Variants in CTBP2 observed in about 807,000 individuals in gnomAD.
CTBP2 encodes the protein C-terminal-binding protein 2.
CTBP2 carries 30 observed loss-of-function variants against 80.3 expected under a neutral mutation model. The observed-to-expected ratio is 0.37, with a 90% CI of 0.28 to 0.51. The LOEUF is 0.51. Ranked by LOEUF, CTBP2 falls within the 20% of genes least tolerant of loss-of-function variation. The pLI, the probability that CTBP2 is intolerant of heterozygous loss-of-function variation, is 0.93. For missense variants in CTBP2, 1,212 were observed against 1,375.3 expected (o/e 0.88, Z 1.88); for synonymous variants, 594 against 587.4 (o/e 1.01, Z -0.16).
At chr10:125,154,176 G>A (rs540149839) in intron 1 of CTBP2, among the ~76,000 whole-genome samples, 1 of 152,318 alleles carries the variant, frequency 6.6e-6, no homozygotes, top group South Asian at 2.1e-4. Context: ...CAATACAATG[G>A]AAGGTAAGTA....
rs369463947 is a variant in CTBP2, at chr10:124,994,129, G to T, written c.2401-144C>A. The T allele has an allele frequency of 2.6e-6, 3 of 1,169,166 alleles. No homozygotes were observed. In the South Asian group the frequency reaches 4.5e-5, roughly 17 times the overall value. The allele number at this position is 1,169,166 out of a possible 1,614,324, so 72.4% of individuals were successfully genotyped here. A position where few individuals can be genotyped will look rare whatever the true frequency, so the allele number is the denominator to read the frequency against. ...GCTGCAGTTTGAGGGAAGGGAGTGG[G>T]AAGTGTTGGTGACGGCTGGAAGCCA... On this transcript the variant is annotated intron_variant, in intron 5 of 8. Coordinates refer to ENST00000309035, the MANE Select transcript of CTBP2 (RefSeq NM_022802.3).
chr10:124,998,272 C>T (rs754553579), intron 3 of CTBP2, 102 bp from the exon 6 acceptor site: 27 of 1,322,462 alleles, frequency 2.0e-5, no homozygotes, highest in Admixed American at 6.3e-5. Context: ...TTGTTGGCAC[C>T]GGGGGAGGCC....
chr10:125,098,762 G>GAGAC (rs1850123557), intron 2 of CTBP2, among the ~76,000 whole-genome samples: 2 of 128,184 alleles, frequency 1.6e-5, no homozygotes, highest in Admixed American at 7.9e-5. Flanking sequence ...GAGAGAGAGA[G>GAGAC]AGAGAGAGAG....
chr10:124,992,026 C>G (rs1374710708), intron 8 of CTBP2, among the ~76,000 whole-genome samples: 1 of 152,008 alleles, frequency 6.6e-6, no homozygotes, highest in African/African-American at 2.4e-5. Flanking sequence ...TCAGCTGACC[C>G]AAACTACAGG....
At chr10:125,047,127 A>G (rs1051955275) in intron 2 of CTBP2, among the ~76,000 whole-genome samples, 16 of 152,176 alleles carry the variant, frequency 1.1e-4, no homozygotes, top group African/African-American at 3.6e-4. Flanking sequence ...TAAACTGTAT[A>G]TTAGTTTTAA....
intron 1 of CTBP2, chr10:125,026,064 G>T: frequency 6.5e-7 from 1 of 1,546,062 alleles, no homozygotes; most frequent in Non-Finnish European, 8.8e-7. Flanking sequence ...GGCAGGGCAG[G>T]CGGGGAGGAT....
intron 4 of CTBP2, 89 bp from the exon 7 acceptor site, chr10:124,994,772 T>C: frequency 2.3e-6 from 3 of 1,322,874 alleles, no homozygotes; most frequent in South Asian, 1.2e-5. Flanking sequence ...GAGTCCGGGC[T>C]TGGCATCCCC....
chr10:125,117,680 G>A (rs1276827375), intron 1 of CTBP2, among the ~76,000 whole-genome samples: 1 of 152,242 alleles, frequency 6.6e-6, no homozygotes. Flanking sequence ...CCGAGAGGTT[G>A]TCACTTTAGC....
chr10:125,029,522 G>A (rs544530995), upstream of CTBP2, among the ~76,000 whole-genome samples: 45 of 152,208 alleles, frequency 3.0e-4, no homozygotes, highest in Admixed American at 1.6e-3. Context: ...AGCCTCCCAA[G>A]GTGCTGGGAT....
intron 2 of CTBP2, among the ~76,000 whole-genome samples, chr10:125,098,684 G>C (rs78358710): frequency 0.04 from 4,904 of 123,430 alleles, 143 homozygotes; most frequent in African/African-American, 0.051. Flanking sequence ...GAGAGAGAGA[G>C]AGAGAGAGAG....
chr10:125,137,045 G>A (rs1365983768), intron 1 of CTBP2, among the ~76,000 whole-genome samples: 2 of 152,188 alleles, frequency 1.3e-5, no homozygotes, highest in African/African-American at 4.8e-5. Flanking sequence ...GTTTGTTTAC[G>A]ACAAGGTCTC....
chr10:125,065,836 T>C (rs1844534094), intron 2 of CTBP2, among the ~76,000 whole-genome samples: 1 of 152,170 alleles, frequency 6.6e-6, no homozygotes. Flanking sequence ...GTGGTGACTC[T>C]CACCTATAAT....
intron 3 of CTBP2, 127 bp from the exon 6 acceptor site, chr10:124,998,297 G>A (rs1589955954): frequency 1.9e-6 from 2 of 1,075,696 alleles, no homozygotes; most frequent in Middle Eastern, 2.3e-4. Context: ...TTATCGTCTA[G>A]CAGACGCGGG....
At chr10:125,071,781 C>T (rs191033706) in intron 2 of CTBP2, among the ~76,000 whole-genome samples, 48 of 152,168 alleles carry the variant, frequency 3.2e-4, no homozygotes, top group Admixed American at 1.2e-3. Flanking sequence ...TCCCAGATAC[C>T]GTGAAATGCG....
chr10:124,985,135 CA>C lies in CTBP2; in HGVS notation c.*4382del. The C allele has an allele frequency of 1.5e-6, 1 of 646,642 alleles. No individual in the cohort carries two copies. The highest frequency in any genetic ancestry group is 2.7e-6 in the Non-Finnish European group (1 of 372,100). 40.1% of individuals were successfully genotyped at this position (646,642 alleles called of 1,614,324 possible). ...CGGGGAAGTGTTTTCCTGGACCACACACACCTTATGGAGATAATGCCTCTGC... is the reference window on the plus strand; with the variant it reads ...CGGGGAAGTGTTTTCCTGGACCACACCACCTTATGGAGATAATGCCTCTGC... On this transcript the variant is annotated 3_prime_UTR_variant, in exon 9 of 9. Coordinates refer to ENST00000309035, the MANE Select transcript of CTBP2 (RefSeq NM_022802.3).
At position 125,066,737 on chromosome 10, in the gene CTBP2, G is replaced by T. The variant is rs1317488003; in HGVS notation, c.-101-27582C>A. 6.6e-6 allele frequency among the ~76,000 whole-genome samples: 1 copy of T among 152,098 alleles called. No homozygotes were observed. ...ATCACCTGAGCCCTTCACACCTGGG[G>T]GTTTCTTATCCATAAATGGAACGAC... On this transcript the variant is annotated intron_variant, in intron 2 of 10. Coordinates refer to the CTBP2 transcript ENST00000337195. The surrounding 1 kb of genome is among the most constrained non-coding windows in gnomAD (Gnocchi z 4.1).
rs1033427696 is a variant in CTBP2 at position 124,985,141 on chromosome 10, T to G, written c.*4377A>C. 6.5e-6 allele frequency: 4 copies of G among 612,716 alleles called. No homozygotes were observed. The highest frequency in any genetic ancestry group is 3.7e-5 in the African/African-American group (2 of 54,166). The allele number at this position is 612,716 out of a possible 1,614,324, so 38.0% of individuals were successfully genotyped here. On this transcript the variant is annotated 3_prime_UTR_variant, in exon 9 of 9. Coordinates refer to ENST00000309035, the MANE Select transcript of CTBP2 (RefSeq NM_022802.3). The stretch of plus-strand genomic sequence containing the variant: ...AGTGTTTTCCTGGACCACACACACC[T>G]TATGGAGATAATGCCTCTGCTGCGT...
intron 2 of CTBP2, among the ~76,000 whole-genome samples, chr10:125,051,926 G>A (rs1451354540): frequency 6.6e-6 from 1 of 152,204 alleles, no homozygotes; most frequent in Non-Finnish European, 1.5e-5. Flanking sequence ...CGTGAAGATG[G>A]CATCTAAAAG....
At chr10:125,128,393 C>T (rs1193446608) in intron 1 of CTBP2, among the ~76,000 whole-genome samples, 2 of 152,096 alleles carry the variant, frequency 1.3e-5, no homozygotes, top group African/African-American at 4.8e-5. Context: ...CAAGAGGAAG[C>T]AGGGGAAGGG....
Sources: allele counts gnomAD v4.1 joint callset (sites outside exome capture counted in the v4.1 genomes callset), GRCh38; gene constraint gnomAD v4.1.1; non-coding constraint Gnocchi (gnomAD v3.1); transcripts MANE v1.5; gene names NCBI Gene and HGNC (gene_info 2026-07-23, HGNC 2026-07-21).